The following CSMD1 variants were observed in gnomAD, a reference collection of about 807,000 sequenced individuals.
CSMD1 encodes CUB and Sushi multiple domains 1.
In CSMD1, 213 loss-of-function variants were observed where a neutral mutation model predicts 417.5. The ratio of observed to expected loss-of-function variants is 0.51; its 90% CI spans 0.46 to 0.57. CSMD1 has a LOEUF of 0.57. Ranked by LOEUF, CSMD1 falls within the 20% of genes least tolerant of loss-of-function variation. The probability of loss-of-function intolerance (pLI) is 0.00; values close to 1 mark genes in which losing one functional copy is unlikely to be tolerated. For synonymous variants in CSMD1, 2,862 were observed against 1,736.8 expected, an observed-to-expected ratio of 1.65 and a Z score of -16.11; for missense variants, 6,923 against 4,529.7, an observed-to-expected ratio of 1.53 and a Z score of -15.17.
intron 2 of CSMD1, among the ~76,000 whole-genome samples, chr8:4,522,938 C>G (rs1007241670): frequency 5.3e-5 from 8 of 152,146 alleles, no homozygotes; most frequent in East Asian, 1.9e-4. Context: ...TATCCTTGCT[C>G]TACTAGGGAA....
chr8:3,276,028 T>C (rs1203959881), intron 26 of CSMD1, among the ~76,000 whole-genome samples: 1 of 152,204 alleles, frequency 6.6e-6, no homozygotes, highest in African/African-American at 2.4e-5. Context: ...TTTCCAGTTT[T>C]TCTGCTCTGT....
At chr8:3,312,678 G>C (rs1345854590) in intron 23 of CSMD1, among the ~76,000 whole-genome samples, 1 of 152,136 alleles carries the variant, frequency 6.6e-6, no homozygotes, top group Non-Finnish European at 1.5e-5. Context: ...GAAATCTGAA[G>C]CTTCTACTTC....
At position 4,001,418 on chromosome 8, in the gene CSMD1, T is replaced by C. The variant is rs558294706; in HGVS notation, c.611-3308A>G. ...TGACCTGCAGAAGGTGTCTAGGGAG[T>C]TTGTAGGGCTCCGGGTAGTGGATAT... On this transcript the variant is annotated intron_variant, in intron 4 of 69. Transcript: ENST00000635120. Among the ~76,000 whole-genome samples, 5 of 152,138 alleles carry C rather than the reference T, an allele frequency of 3.3e-5. No homozygotes were observed. The South Asian group carries it at 8.3e-4, about 25-fold the overall frequency.
intron 3 of CSMD1, among the ~76,000 whole-genome samples, chr8:4,047,125 G>A (rs971746265): frequency 4.6e-5 from 7 of 152,142 alleles, no homozygotes; most frequent in African/African-American, 7.2e-5. Flanking sequence ...TGGAAGCTGT[G>A]GAAGAAGCAG....
chr8:3,201,723 C>G lies in CSMD1; in HGVS notation c.4987G>C (p.Val1663Leu). 7 of 1,584,650 alleles carry G rather than the reference C, an allele frequency of 4.4e-6. No homozygotes were observed. Among genetic ancestry groups the G allele is most frequent in the Non-Finnish European group, 6.0e-6 (7 of 1,162,616 alleles). ...YSITVPKEFV[V>L]FGQFAYFQTA... ...TGGAAATAGGCAAACTGTCCAAAGACCACTAAAAAATAAGAGGTGGGATGT... is the reference window on the plus strand; with the variant it reads ...TGGAAATAGGCAAACTGTCCAAAGAGCACTAAAAAATAAGAGGTGGGATGT... Residue 1663 changes from valine (V) to leucine (L), a missense_variant and splice_region_variant, in exon 32 of 70, where the codon GTC becomes CTC. Val to Leu is a conservative substitution (Grantham distance 32). Transcript: ENST00000635120.
chr8:3,077,502 G>C (rs879826153), intron 49 of CSMD1, among the ~76,000 whole-genome samples: 1 of 152,218 alleles, frequency 6.6e-6, no homozygotes, highest in South Asian at 2.1e-4. Context: ...CCCTGTGATG[G>C]TCTCTGGGCA....
chr8:3,890,584 G>T (rs779283910), intron 5 of CSMD1, among the ~76,000 whole-genome samples: 2 of 152,084 alleles, frequency 1.3e-5, no homozygotes, highest in African/African-American at 2.4e-5. Flanking sequence ...AGGTTTTTAT[G>T]CCGATTTCAG....
At chr8:2,993,166 C>T (rs1385789966) in intron 54 of CSMD1, among the ~76,000 whole-genome samples, 8 of 152,152 alleles carry the variant, frequency 5.3e-5, no homozygotes, top group East Asian at 1.9e-4. Context: ...CCTTTATATA[C>T]ACTTATGTGA....
chr8:3,448,966 T>C (rs1241203687), intron 12 of CSMD1, among the ~76,000 whole-genome samples: 1 of 152,156 alleles, frequency 6.6e-6, no homozygotes, highest in Non-Finnish European at 1.5e-5. Context: ...TGACAGCCAA[T>C]CGCAATGGAT....
chr8:4,000,110 C>T (rs551192867), intron 4 of CSMD1, among the ~76,000 whole-genome samples: 1 of 152,372 alleles, frequency 6.6e-6, no homozygotes, highest in South Asian at 2.1e-4. Flanking sequence ...GCCCCCCGCC[C>T]TCCGTGGGCA....
chr8:3,860,007 G>A (rs970564234), intron 5 of CSMD1, among the ~76,000 whole-genome samples: 11 of 152,118 alleles, frequency 7.2e-5, no homozygotes, highest in East Asian at 3.9e-4. Flanking sequence ...CAAACTTGGA[G>A]TTTGTTTGAG....
chr8:3,269,464 C>G (rs1471991525), intron 26 of CSMD1, among the ~76,000 whole-genome samples: 1 of 152,230 alleles, frequency 6.6e-6, no homozygotes, highest in Non-Finnish European at 1.5e-5. Flanking sequence ...AAGGCCTCTC[C>G]TGTAATAAAC....
chr8:3,409,329 C>G (rs1258500563), intron 13 of CSMD1, 94 bp downstream of exon 13: 1 of 1,197,604 alleles, frequency 8.4e-7, no homozygotes, highest in African/African-American at 1.5e-5. Context: ...GAAAGCTGCC[C>G]TCCCTAAATG....
intron 5 of CSMD1, among the ~76,000 whole-genome samples, chr8:3,926,640 G>A (rs1002048485): frequency 4.8e-5 from 7 of 144,954 alleles, no homozygotes; most frequent in African/African-American, 1.8e-4. Flanking sequence ...CATATTATTA[G>A]AAACAATTAA....
chr8:3,372,041 T>C (rs1471951744), intron 18 of CSMD1, among the ~76,000 whole-genome samples: 1 of 152,124 alleles, frequency 6.6e-6, no homozygotes, highest in African/African-American at 2.4e-5. Flanking sequence ...AAAGACAGGA[T>C]AAAACCTGTA....
At chr8:3,489,806 T>A (rs13255517) in intron 11 of CSMD1, among the ~76,000 whole-genome samples, 50,461 of 152,078 alleles carry the variant, frequency 0.33, 8,761 homozygotes, top group Middle Eastern at 0.44. Context: ...TCTCTTAAAA[T>A]CGAGATGTAA....
At chr8:4,342,758 T>G (rs927723667) in intron 3 of CSMD1, among the ~76,000 whole-genome samples, 2 of 151,850 alleles carry the variant, frequency 1.3e-5, no homozygotes, top group African/African-American at 4.8e-5. Context: ...GAAGACGTGT[T>G]AAAAAGAAAA....
At chr8:3,510,520 A>C (rs1797020284) in intron 10 of CSMD1, among the ~76,000 whole-genome samples, 1 of 151,772 alleles carries the variant, frequency 6.6e-6, no homozygotes, top group African/African-American at 2.4e-5. Flanking sequence ...AAAATCTTAG[A>C]AGGTCTTTAA....
intron 2 of CSMD1, among the ~76,000 whole-genome samples, chr8:4,492,802 A>T (rs1801772257): frequency 6.6e-6 from 1 of 152,226 alleles, no homozygotes; most frequent in African/African-American, 2.4e-5. Flanking sequence ...ATCCTTATTC[A>T]GAGCACACAG....
Sources: allele counts gnomAD v4.1 joint callset (sites outside exome capture counted in the v4.1 genomes callset), GRCh38; gene constraint gnomAD v4.1.1; transcripts MANE v1.5; gene names NCBI Gene and HGNC (gene_info 2026-07-23, HGNC 2026-07-21).